The following CPXM2 variants were observed in gnomAD, a reference collection of about 807,000 sequenced individuals.
CPXM2 encodes inactive carboxypeptidase-like protein X2.
A neutral mutation model predicts 86.1 loss-of-function variants in CPXM2; 66 were observed. That is an observed-to-expected ratio of 0.77 (90% CI 0.63 to 0.94). The LOEUF (loss-of-function observed/expected upper bound fraction) is 0.94, where lower values mean the gene tolerates loss of function less well. Among genes scored for constraint, CPXM2 ranks in the 40% least tolerant of loss-of-function variants. The pLI is 0.00. For synonymous variants in CPXM2, 388 were observed against 400.2 expected (o/e 0.97, Z 0.36); for missense variants, 948 against 1,026.3 (o/e 0.92, Z 1.04).
rs371582988 is a variant in CPXM2 at position 123,762,020 on chromosome 10, G to A, written c.1629C>T (p.Pro543=). Reference sequence around the variant, plus strand: ...CCAGCCAGCGGAACACGTGGTCGTCGGGGGTGGGGGTGTGTTCCTGCGTCT... The same window carrying A: ...CCAGCCAGCGGAACACGTGGTCGTCAGGGGTGGGGGTGTGTTCCTGCGTCT... ...PWKTQEHTPT[P]DDHVFRWLAY... The change falls in exon 11 of 14, where the codon CCC becomes CCT. Residue 543 remains proline, a synonymous_variant. Coordinates refer to ENST00000241305, the MANE Select transcript of CPXM2 (RefSeq NM_198148.3). 3.4e-4 allele frequency: 542 copies of A among 1,611,734 alleles called. No homozygotes were observed. The highest frequency in any genetic ancestry group is 4.4e-4 in the Non-Finnish European group (514 of 1,178,070).
chr10:123,783,035 A>C (rs866118540), intron 6 of CPXM2, among the ~76,000 whole-genome samples: 2 of 152,236 alleles, frequency 1.3e-5, no homozygotes, highest in South Asian at 4.1e-4. Flanking sequence ...CAGCTCCAAG[A>C]CAGTTTACAG....
At chr10:123,747,665 C>T (rs1473495448) in intron 13 of CPXM2, among the ~76,000 whole-genome samples, 1 of 152,126 alleles carries the variant, frequency 6.6e-6, no homozygotes, top group African/African-American at 2.4e-5. Flanking sequence ...AGGTAACTAC[C>T]AGCCGATTAC....
intron 13 of CPXM2, chr10:123,751,068 T>C (rs1846063453): frequency 3.0e-6 from 3 of 985,248 alleles, no homozygotes; most frequent in Non-Finnish European, 3.6e-6. Flanking sequence ...CGGGCATTCA[T>C]GCGTGCCAAG....
intron 10 of CPXM2, among the ~76,000 whole-genome samples, chr10:123,763,070 T>G (rs1356934957): frequency 6.6e-6 from 1 of 152,162 alleles, no homozygotes; most frequent in African/African-American, 2.4e-5. Context: ...ACACGGAGTC[T>G]TGCTCTGTGG....
At chr10:123,757,894 C>A (rs1411830987) in intron 11 of CPXM2, among the ~76,000 whole-genome samples, 3 of 152,128 alleles carry the variant, frequency 2.0e-5, no homozygotes, top group Non-Finnish European at 4.4e-5. Context: ...CCAAACCCAG[C>A]AGAGGTAGGC....
At chr10:123,923,192 A>G (rs1945591039) in intron 2 of CPXM2, among the ~76,000 whole-genome samples, 1 of 145,218 alleles carries the variant, frequency 6.9e-6, no homozygotes, top group African/African-American at 2.8e-5. Context: ...GTGGAAAAGA[A>G]AAAGAAAAAG....
chr10:123,888,634 C>T (rs983516850), intron 1 of CPXM2, among the ~76,000 whole-genome samples: 3 of 152,222 alleles, frequency 2.0e-5, no homozygotes, highest in Admixed American at 6.5e-5. Context: ...GTCACTGATT[C>T]CCCTAACTAA....
At chr10:123,816,165 GA>G (rs1193518847) in intron 4 of CPXM2, among the ~76,000 whole-genome samples, 1 of 152,152 alleles carries the variant, frequency 6.6e-6, no homozygotes, top group Non-Finnish European at 1.5e-5. Context: ...GGAGGGTCCA[GA>G]AGATATACCC....
intron 13 of CPXM2, chr10:123,751,577 G>T (rs556322162): frequency 2.3e-5 from 23 of 985,218 alleles, no homozygotes; most frequent in Non-Finnish European, 2.8e-5. Flanking sequence ...CAAAGGACAG[G>T]CATGTGGAAC....
At chr10:123,817,138 T>G (rs1178673159) in intron 4 of CPXM2, among the ~76,000 whole-genome samples, 1 of 152,170 alleles carries the variant, frequency 6.6e-6, no homozygotes, top group Non-Finnish European at 1.5e-5. Context: ...AAGCAACACA[T>G]TCCTCATTTG....
intron 13 of CPXM2, chr10:123,752,586 GCT>G (rs1846103764): frequency 1.0e-6 from 1 of 985,334 alleles, no homozygotes; most frequent in South Asian, 4.7e-5. Flanking sequence ...CCCAAAGTCT[GCT>G]TCCTGGCAGG....
At chr10:123,795,693 T>A (rs928010728) in intron 6 of CPXM2, among the ~76,000 whole-genome samples, 3 of 151,488 alleles carry the variant, frequency 2.0e-5, no homozygotes, top group Non-Finnish European at 4.4e-5. Flanking sequence ...AACTGCTAAG[T>A]AACTTCTAGA....
At chr10:123,881,038 GC>G (rs1346748639) in intron 1 of CPXM2, among the ~76,000 whole-genome samples, 5 of 151,508 alleles carry the variant, frequency 3.3e-5, no homozygotes, top group Non-Finnish European at 7.4e-5. Context: ...TAAGGATGCT[GC>G]CCCCATTTGG....
intron 6 of CPXM2, among the ~76,000 whole-genome samples, chr10:123,795,144 A>G (rs1322461935): frequency 2.0e-5 from 3 of 152,232 alleles, no homozygotes. Flanking sequence ...TGTATAGTGC[A>G]GTAGTGATGA....
At position 123,880,713 on chromosome 10, in the gene CPXM2, C is replaced by A. The variant is rs569830225; in HGVS notation, c.305-404G>T. The stretch of plus-strand genomic sequence containing the variant: ...GCATGGTGGCGGGCACCTGTAGTCC[C>A]AGCTACTTGGGAGGCTGAGGCAGAA... On this transcript the variant is annotated intron_variant, in intron 1 of 13. Transcript: ENST00000241305. Among the ~76,000 whole-genome samples the A allele has an allele frequency of 2.7e-5, 4 of 150,124 alleles. No homozygotes were observed. The South Asian group carries it at 8.5e-4, about 32-fold the overall frequency.
At chr10:123,755,550 A>G (rs1164570284) in intron 12 of CPXM2, among the ~76,000 whole-genome samples, 1 of 152,224 alleles carries the variant, frequency 6.6e-6, no homozygotes, top group Non-Finnish European at 1.5e-5. Flanking sequence ...CACATTTACT[A>G]AAAACTGAAA....
rs551850615 is a variant in CPXM2, at chr10:123,835,154, G to A, written c.653+7195C>T. ...GTGGGGGAGTTAGTGAGCTAATCAG[G>A]GAAGGAGGCCCACAGCAAGGGGGCC... On this transcript the variant is annotated intron_variant, in intron 4 of 13. Coordinates refer to ENST00000241305, the MANE Select transcript of CPXM2 (RefSeq NM_198148.3). 2.6e-5 allele frequency among the ~76,000 whole-genome samples: 4 copies of A among 152,298 alleles called. No individual in the cohort carries two copies. The East Asian group carries it at 7.7e-4, about 29-fold the overall frequency.
At chr10:123,915,310 C>A (rs895184522) in intron 2 of CPXM2, among the ~76,000 whole-genome samples, 1 of 152,220 alleles carries the variant, frequency 6.6e-6, no homozygotes, top group African/African-American at 2.4e-5. Flanking sequence ...GTAATCCCAG[C>A]CCTTTGGGAG....
intron 2 of CPXM2, among the ~76,000 whole-genome samples, chr10:123,898,393 G>A (rs1474122098): frequency 6.6e-6 from 1 of 152,214 alleles, no homozygotes; most frequent in Non-Finnish European, 1.5e-5. Flanking sequence ...GTTCAAGGCT[G>A]TAGTACTCTA....
Sources: gnomAD v4.1 joint callset for allele counts (sites outside exome capture counted in the v4.1 genomes callset) on GRCh38, gnomAD v4.1.1 for gene constraint, MANE v1.5 for transcripts, NCBI Gene and HGNC (gene_info 2026-07-23, HGNC 2026-07-21) for gene names.